The following ALDH1A2 variants were observed in gnomAD, a reference collection of about 807,000 sequenced individuals.
ALDH1A2 encodes the protein aldehyde dehydrogenase 1 family member A2.
ALDH1A2 carries 27 observed loss-of-function variants against 60.3 expected under a neutral mutation model. The observed-to-expected ratio is 0.45, with a 90% CI of 0.33 to 0.62. ALDH1A2 has a LOEUF of 0.62. ALDH1A2 is among the 20% of genes least tolerant of loss of function. The pLI is 0.02. For synonymous variants in ALDH1A2, 289 were observed against 232.4 expected (o/e 1.24, Z -2.21); for missense variants, 581 against 643.8 (o/e 0.90, Z 1.06).
At chr15:58,024,418 T>C (rs1478395952) in intron 1 of ALDH1A2, among the ~76,000 whole-genome samples, 3 of 152,232 alleles carry the variant, frequency 2.0e-5, no homozygotes, top group Middle Eastern at 3.4e-3. Flanking sequence ...GGAAACCAAA[T>C]GTGAGCAGGA....
At chr15:58,043,731 A>G (rs1896573967) in intron 1 of ALDH1A2, among the ~76,000 whole-genome samples, 1 of 151,952 alleles carries the variant, frequency 6.6e-6, no homozygotes. Context: ...CTCCCTGCCA[A>G]AAAACGGTTT....
intron 7 of ALDH1A2, among the ~76,000 whole-genome samples, chr15:57,981,117 A>G (rs1186255789): frequency 6.6e-6 from 1 of 151,756 alleles, no homozygotes; most frequent in Admixed American, 6.6e-5. Flanking sequence ...TTTTCTCTTT[A>G]TTAGTCTGGC....
At chr15:58,002,641 A>G (rs1211826791) in intron 4 of ALDH1A2, among the ~76,000 whole-genome samples, 1 of 151,876 alleles carries the variant, frequency 6.6e-6, no homozygotes, top group African/African-American at 2.4e-5. Context: ...ATAGCTTCCA[A>G]TTATAACACT....
At chr15:58,007,318 TATATTA>T (rs1566946415) in intron 4 of ALDH1A2, among the ~76,000 whole-genome samples, 1 of 151,954 alleles carries the variant, frequency 6.6e-6, no homozygotes, top group African/African-American at 2.4e-5. Flanking sequence ...GAATAAACCA[TATATTA>T]GTATAAAAAT....
chr15:57,973,173 C>T (rs1384041375), intron 7 of ALDH1A2, among the ~76,000 whole-genome samples: 2 of 152,108 alleles, frequency 1.3e-5, no homozygotes, highest in African/African-American at 4.8e-5. Context: ...AAACACTATA[C>T]CAAGCAAAAT....
At chr15:58,023,498 A>T (rs755616778) in intron 1 of ALDH1A2, among the ~76,000 whole-genome samples, 5 of 152,200 alleles carry the variant, frequency 3.3e-5, no homozygotes, top group Non-Finnish European at 5.9e-5. Context: ...GCATATTGTT[A>T]TCAGACTGTC....
chr15:57,965,107 G>C (rs553484179), intron 8 of ALDH1A2, among the ~76,000 whole-genome samples: 23 of 152,244 alleles, frequency 1.5e-4, no homozygotes, highest in Non-Finnish European at 2.9e-4. Flanking sequence ...GAATGGCCTA[G>C]GTGGCATCCT....
At chr15:57,978,972 G>A (rs1418955571) in intron 7 of ALDH1A2, among the ~76,000 whole-genome samples, 1 of 152,086 alleles carries the variant, frequency 6.6e-6, no homozygotes, top group Non-Finnish European at 1.5e-5. Flanking sequence ...GGAGGTGGAG[G>A]TGCAGTGAGC....
intron 1 of ALDH1A2, among the ~76,000 whole-genome samples, chr15:58,035,480 TTTACA>T (rs1261229127): frequency 6.6e-6 from 1 of 151,686 alleles, no homozygotes; most frequent in African/African-American, 2.4e-5. Context: ...TTTGTTTCTG[TTTACA>T]TTACTCTTCT....
intron 12 of ALDH1A2, among the ~76,000 whole-genome samples, chr15:57,957,947 T>C (rs1350837249): frequency 6.6e-6 from 1 of 152,066 alleles, no homozygotes; most frequent in African/African-American, 2.4e-5. Context: ...GGAAGGCAGG[T>C]TGCTTTCAAG....
At chr15:57,966,472 G>A (rs1893900910) in intron 7 of ALDH1A2, among the ~76,000 whole-genome samples, 1 of 152,294 alleles carries the variant, frequency 6.6e-6, no homozygotes, top group South Asian at 2.1e-4. Context: ...GAAAATGAAA[G>A]TGTCATAATG....
At chr15:58,011,666 C>G (rs1322561856) in intron 3 of ALDH1A2, among the ~76,000 whole-genome samples, 4 of 152,114 alleles carry the variant, frequency 2.6e-5, no homozygotes, top group African/African-American at 9.7e-5. Flanking sequence ...ATTCTCCAAT[C>G]AATGAGATGA....
intron 1 of ALDH1A2, among the ~76,000 whole-genome samples, chr15:58,024,071 C>G (rs1442372282): frequency 6.6e-6 from 1 of 151,962 alleles, no homozygotes; most frequent in African/African-American, 2.4e-5. Context: ...CCAGCCTGGG[C>G]AACAAAAGCA....
intron 1 of ALDH1A2, among the ~76,000 whole-genome samples, chr15:58,058,417 T>G (rs2140582091): frequency 6.8e-6 from 1 of 146,582 alleles, no homozygotes; most frequent in East Asian, 2.0e-4. Flanking sequence ...TCACACAACC[T>G]ATACCACTTT....
chr15:57,995,235 A>C, intron 4 of ALDH1A2, 96 bp from the exon 5 acceptor site: 4 of 691,682 alleles, frequency 5.8e-6, no homozygotes, highest in East Asian at 3.5e-5. Flanking sequence ...AAAAAAAAAA[A>C]ACAAACAGAA....
At chr15:57,985,002 T>C (rs927966643) in intron 7 of ALDH1A2, among the ~76,000 whole-genome samples, 7 of 152,226 alleles carry the variant, frequency 4.6e-5, no homozygotes, top group Admixed American at 3.3e-4. Context: ...CATTTTTATA[T>C]ATTTCTGGAT....
At chr15:57,961,971 C>G in intron 10 of ALDH1A2, 41 bp downstream of exon 10, 1 of 1,609,994 alleles carries the variant, frequency 6.2e-7, no homozygotes, top group Middle Eastern at 1.7e-4. Context: ...GAAATGATCC[C>G]AAGAAAGATG....
intron 7 of ALDH1A2, chr15:57,991,347 T>TA (rs1337379316): frequency 6.6e-6 from 1 of 152,128 alleles, no homozygotes; most frequent in African/African-American, 2.4e-5. Context: ...CAATAACAAA[T>TA]ACAACTAGAA....
chr15:58,056,731 G>T (rs1896904423), intron 1 of ALDH1A2, among the ~76,000 whole-genome samples: 1 of 151,998 alleles, frequency 6.6e-6, no homozygotes, highest in Non-Finnish European at 1.5e-5. Flanking sequence ...AGAAAAATGA[G>T]CAAATGATAA....
Sources: gnomAD v4.1 joint callset for allele counts (sites outside exome capture counted in the v4.1 genomes callset) on GRCh38, gnomAD v4.1.1 for gene constraint, MANE v1.5 for transcripts, NCBI Gene and HGNC (gene_info 2026-07-23, HGNC 2026-07-21) for gene names.